The following SLC24A3 variants were observed in gnomAD, a reference collection of about 807,000 sequenced individuals.
SLC24A3 encodes the protein solute carrier family 24 member 3.
Under a neutral mutation model 75.8 loss-of-function variants are expected in SLC24A3, and 28 were observed. The observed-to-expected ratio is 0.37, with a 90% confidence interval of 0.27 to 0.51. The LOEUF (loss-of-function observed/expected upper bound fraction) is 0.51. Among genes scored for constraint, SLC24A3 ranks in the 20% least tolerant of loss-of-function variants. The probability of loss-of-function intolerance (pLI) is 0.94; values close to 1 mark genes in which losing one functional copy is unlikely to be tolerated. For missense variants in SLC24A3, 663 were observed against 847.8 expected (o/e 0.78, Z 2.71); for synonymous variants, 372 against 334.1 (o/e 1.11, Z -1.24).
chr20:19,498,728 C>G (rs1988336220), intron 2 of SLC24A3, among the ~76,000 whole-genome samples: 1 of 152,228 alleles, frequency 6.6e-6, no homozygotes, highest in Non-Finnish European at 1.5e-5. Flanking sequence ...GGACAACATA[C>G]TCTTCCAGAA....
At chr20:19,264,728 CAAAAAA>C (rs371253803) in intron 1 of SLC24A3, among the ~76,000 whole-genome samples, 6 of 98,034 alleles carry the variant, frequency 6.1e-5, no homozygotes, top group African/African-American at 2.4e-4. Context: ...GACTCCATCT[CAAAAAA>C]AAAAAAAAAA....
At chr20:19,518,925 C>T (rs530358327) in intron 3 of SLC24A3, among the ~76,000 whole-genome samples, 8 of 152,276 alleles carry the variant, frequency 5.3e-5, no homozygotes, top group African/African-American at 1.9e-4. Flanking sequence ...CAGAACGACC[C>T]CAGGAGGCTG....
chr20:19,214,798 C>T (rs560217390), intron 1 of SLC24A3, among the ~76,000 whole-genome samples: 7 of 152,160 alleles, frequency 4.6e-5, no homozygotes, highest in Non-Finnish European at 1.0e-4. Context: ...TTCCATAGCA[C>T]GGCCTTTTCC....
chr20:19,474,559 G>A (rs6046121), intron 2 of SLC24A3, among the ~76,000 whole-genome samples: 17,436 of 152,084 alleles, frequency 0.11, 1,220 homozygotes, highest in Middle Eastern at 0.2. Context: ...CTGGGTCTCC[G>A]TGGAGAAAAA....
At chr20:19,253,896 G>A (rs369248496) in intron 1 of SLC24A3, among the ~76,000 whole-genome samples, 8 of 152,166 alleles carry the variant, frequency 5.3e-5, no homozygotes, top group African/African-American at 1.9e-4. Context: ...AGTCTAGTGT[G>A]CATGTTCCAT....
chr20:19,332,211 C>T (rs1985015376), intron 2 of SLC24A3, among the ~76,000 whole-genome samples: 1 of 152,134 alleles, frequency 6.6e-6, no homozygotes, highest in South Asian at 2.1e-4. Flanking sequence ...TTCATGTCTC[C>T]ATATATCACT....
chr20:19,566,028 C>CTCAT (rs1217154337), intron 3 of SLC24A3, among the ~76,000 whole-genome samples: 2 of 152,300 alleles, frequency 1.3e-5, no homozygotes, highest in South Asian at 2.1e-4. Context: ...CCACTGAAAG[C>CTCAT]TCATTCATTC....
intron 2 of SLC24A3, among the ~76,000 whole-genome samples, chr20:19,492,905 A>C (rs1568633653): frequency 6.6e-6 from 1 of 152,206 alleles, no homozygotes; most frequent in Non-Finnish European, 1.5e-5. Context: ...TCATACCTTA[A>C]GAGCTATCCA....
chr20:19,678,490 G>A (rs1287036057), intron 9 of SLC24A3, among the ~76,000 whole-genome samples: 2 of 136,058 alleles, frequency 1.5e-5, no homozygotes, highest in African/African-American at 2.9e-5. Flanking sequence ...CCTCCCGGAC[G>A]GGGCGGCTGG....
At chr20:19,371,882 G>T (rs750006824) in intron 2 of SLC24A3, among the ~76,000 whole-genome samples, 1 of 152,056 alleles carries the variant, frequency 6.6e-6, no homozygotes, top group East Asian at 1.9e-4. Flanking sequence ...ATCTCAGGTG[G>T]GTATGCCAGC....
chr20:19,535,627 T>C (rs187167588), intron 3 of SLC24A3, among the ~76,000 whole-genome samples: 23 of 152,332 alleles, frequency 1.5e-4, no homozygotes, highest in African/African-American at 5.1e-4. Context: ...AAATAGGGGC[T>C]TCCACATTTT....
chr20:19,654,822 A>G (rs764588248), intron 7 of SLC24A3, among the ~76,000 whole-genome samples: 1 of 151,296 alleles, frequency 6.6e-6, no homozygotes, highest in Non-Finnish European at 1.5e-5. Flanking sequence ...TAATTTTTGT[A>G]TTTTAGTAGA....
chr20:19,693,212 T>G, intron 12 of SLC24A3, 47 bp from the exon 13 acceptor site: 1 of 1,555,756 alleles, frequency 6.4e-7, no homozygotes, highest in Non-Finnish European at 8.6e-7. Flanking sequence ...ACTGGGGTTC[T>G]TTGTTATTTT....
intron 2 of SLC24A3, among the ~76,000 whole-genome samples, chr20:19,307,816 T>G (rs938328253): frequency 3.9e-5 from 6 of 152,290 alleles, no homozygotes; most frequent in African/African-American, 1.4e-4. Flanking sequence ...AAAAGTGTCT[T>G]GTTTGTAAAG....
At chr20:19,706,416 G>A (rs982687791) in intron 15 of SLC24A3, among the ~76,000 whole-genome samples, 2 of 152,256 alleles carry the variant, frequency 1.3e-5, no homozygotes, top group South Asian at 2.1e-4. Context: ...CAGTGATTGG[G>A]GGATCTGGAA....
intron 2 of SLC24A3, among the ~76,000 whole-genome samples, chr20:19,404,748 A>T (rs1276270941): frequency 1.3e-5 from 2 of 152,152 alleles, no homozygotes; most frequent in African/African-American, 4.8e-5. Context: ...CAACTGCATG[A>T]TGCATGCAGC....
chr20:19,590,834 C>T (rs192444159), intron 6 of SLC24A3, among the ~76,000 whole-genome samples: 11 of 152,340 alleles, frequency 7.2e-5, no homozygotes, highest in Admixed American at 2.0e-4. Context: ...ATCAGAAGAG[C>T]AGCTCACCTG....
chr20:19,223,140 A>T (rs1981776428), intron 1 of SLC24A3, among the ~76,000 whole-genome samples: 1 of 152,050 alleles, frequency 6.6e-6, no homozygotes, highest in Non-Finnish European at 1.5e-5. Flanking sequence ...TAAAAATACA[A>T]AATTAACTGG....
chr20:19,556,877 T>C (rs963067309), intron 3 of SLC24A3, among the ~76,000 whole-genome samples: 1 of 151,970 alleles, frequency 6.6e-6, no homozygotes, highest in Admixed American at 6.6e-5. Context: ...GAATATTCCT[T>C]ACACTTCTCA....
Sources: gnomAD v4.1 joint callset for allele counts (sites outside exome capture counted in the v4.1 genomes callset) on GRCh38, gnomAD v4.1.1 for gene constraint, MANE v1.5 for transcripts, NCBI Gene and HGNC (gene_info 2026-07-23, HGNC 2026-07-21) for gene names.